EPB41L2: variants seen among roughly 807,000 people sequenced by gnomAD.
The protein encoded by EPB41L2 is erythrocyte membrane protein band 4.1 like 2.
EPB41L2 carries 43 observed loss-of-function variants against 113.0 expected under a neutral mutation model. The observed-to-expected ratio is 0.38, with a 90% CI of 0.30 to 0.49. The LOEUF (loss-of-function observed/expected upper bound fraction) is 0.49, where lower values mean the gene tolerates loss of function less well. Ranked by LOEUF, EPB41L2 falls within the 20% of genes least tolerant of loss-of-function variation. The pLI is 0.95. For synonymous variants in EPB41L2, 442 were observed against 436.7 expected, an observed-to-expected ratio of 1.01 and a Z score of -0.15; for missense variants, 1,147 against 1,223.4, an observed-to-expected ratio of 0.94 and a Z score of 0.93.
chr6:131,053,481 C>T (rs1379553538), intron 1 of EPB41L2, among the ~76,000 whole-genome samples: 3 of 148,938 alleles, frequency 2.0e-5, no homozygotes, highest in Non-Finnish European at 4.5e-5. Context: ...AAAGGAAAGG[C>T]CAGGGGAAGA....
chr6:131,030,498 A>G (rs998797670), intron 1 of EPB41L2, among the ~76,000 whole-genome samples: 1 of 152,228 alleles, frequency 6.6e-6, no homozygotes, highest in Non-Finnish European at 1.5e-5. Flanking sequence ...AGATCAAAGT[A>G]AAATATGCAG....
At chr6:130,872,787 G>T (rs1357738224) in intron 14 of EPB41L2, among the ~76,000 whole-genome samples, 2 of 152,164 alleles carry the variant, frequency 1.3e-5, no homozygotes, top group Admixed American at 1.3e-4. Flanking sequence ...CTGCTTGGCT[G>T]ATCACCAACT....
At chr6:130,934,759 G>A (rs992538627) in intron 3 of EPB41L2, among the ~76,000 whole-genome samples, 2 of 151,102 alleles carry the variant, frequency 1.3e-5, no homozygotes, top group East Asian at 3.9e-4. Flanking sequence ...GGCATTACAG[G>A]TGTGAGCCAC....
At chr6:130,936,725 T>C (rs750580970) in intron 3 of EPB41L2, among the ~76,000 whole-genome samples, 24 of 152,350 alleles carry the variant, frequency 1.6e-4, no homozygotes, top group Admixed American at 1.2e-3. Flanking sequence ...TTAGAGTTAA[T>C]ATTTATCAAG....
In EPB41L2 at chr6:130,926,636, C is replaced by G. The variant is rs778150249; in HGVS notation, c.779G>C (p.Gly260Ala). The G allele has an allele frequency of 1.2e-6, 2 of 1,609,310 alleles. No homozygotes were observed. The highest frequency in any genetic ancestry group is 2.2e-5 in the South Asian group (2 of 89,260). The change falls in exon 4 of 20, where the codon GGA becomes GCA. Residue 260 changes from glycine to alanine, a missense_variant. Transcript: ENST00000337057. ...CTCAGGGCTTTCCTGAAACAAAAGT[C>G]CAAAGTAGTCTTTCTCCAAGAGATT... ...HLNLLEKDYF[G>A]LLFQESPEQK...
At position 130,905,523 on chromosome 6, in the gene EPB41L2, A is replaced by T. The variant is rs79151412; in HGVS notation, c.854-983T>A. 0.02 allele frequency among the ~76,000 whole-genome samples: 2,988 copies of T among 151,184 alleles called. 190 individuals carry two copies. In the East Asian group the frequency reaches 0.26, roughly 13 times the overall value. On this transcript the variant is annotated intron_variant, in intron 5 of 19. Coordinates refer to ENST00000337057, the MANE Select transcript of EPB41L2 (RefSeq NM_001431.4). ...AACCTCAACGTCCCAGGCCTAAGTG[A>T]TCCTCCCATCCTAGCCTCCCAAGTA...
intron 19 of EPB41L2, among the ~76,000 whole-genome samples, chr6:130,852,030 T>C (rs1778891145): frequency 6.6e-6 from 1 of 152,212 alleles, no homozygotes; most frequent in South Asian, 2.1e-4. Context: ...AAATGTGCCA[T>C]TTCTGCATTT....
chr6:130,982,964 T>C (rs1185194917), intron 1 of EPB41L2, among the ~76,000 whole-genome samples: 2 of 152,342 alleles, frequency 1.3e-5, no homozygotes, highest in East Asian at 1.9e-4. Context: ...CTAACAACCA[T>C]GTGTAAATCC....
intron 1 of EPB41L2, among the ~76,000 whole-genome samples, chr6:131,003,691 G>A (rs1230231868): frequency 1.3e-5 from 2 of 151,924 alleles, no homozygotes; most frequent in Non-Finnish European, 2.9e-5. Flanking sequence ...CCATCATATT[G>A]TCATCTCCCT....
intron 1 of EPB41L2, among the ~76,000 whole-genome samples, chr6:130,992,541 C>G (rs1782126728): frequency 1.3e-5 from 2 of 152,254 alleles, no homozygotes; most frequent in East Asian, 3.9e-4. Context: ...GAACTCAATA[C>G]AGCCATCATT....
At chr6:130,858,317 C>T in intron 18 of EPB41L2, 74 bp from the exon 19 acceptor site, 2 of 1,188,524 alleles carry the variant, frequency 1.7e-6, no homozygotes, top group Non-Finnish European at 2.4e-6. Flanking sequence ...AACACACACA[C>T]ACTGATCACC....
intron 1 of EPB41L2, among the ~76,000 whole-genome samples, chr6:131,029,394 A>T (rs1254345426): frequency 0.026 from 3,854 of 146,000 alleles, 160 homozygotes; most frequent in African/African-American, 0.094. Context: ...ATTTGTTTAA[A>T]AAAAAAAAAA....
At chr6:130,876,165 C>T (rs1025697294) in intron 14 of EPB41L2, among the ~76,000 whole-genome samples, 5 of 152,118 alleles carry the variant, frequency 3.3e-5, no homozygotes, top group African/African-American at 1.2e-4. Context: ...AACTTCCTCA[C>T]CAGTGTCAGA....
chr6:130,984,305 G>A (rs1780027900), intron 1 of EPB41L2, among the ~76,000 whole-genome samples: 1 of 152,126 alleles, frequency 6.6e-6, no homozygotes, highest in South Asian at 2.1e-4. Context: ...CTAAAATAAT[G>A]ATAAAAAGTA....
At chr6:130,981,697 A>C (rs953149352) in intron 1 of EPB41L2, among the ~76,000 whole-genome samples, 4 of 152,206 alleles carry the variant, frequency 2.6e-5, no homozygotes, top group Admixed American at 2.0e-4. Flanking sequence ...TATAAAAGCC[A>C]GAAGCAGAGC....
intron 1 of EPB41L2, among the ~76,000 whole-genome samples, chr6:131,008,640 C>T (rs907248682): frequency 6.6e-6 from 1 of 152,208 alleles, no homozygotes; most frequent in African/African-American, 2.4e-5. Flanking sequence ...TGAAAGCAGC[C>T]GGGAGTGGGG....
chr6:130,880,371 A>G (rs952510181), intron 12 of EPB41L2, 165 bp from the exon 13 acceptor site: 35 of 616,900 alleles, frequency 5.7e-5, no homozygotes, highest in Non-Finnish European at 5.7e-6. Context: ...TCACAAATAA[A>G]CCCTGAGAGT....
At chr6:130,869,234 G>A (rs903384932) in intron 15 of EPB41L2, among the ~76,000 whole-genome samples, 1 of 152,008 alleles carries the variant, frequency 6.6e-6, no homozygotes, top group African/African-American at 2.4e-5. Context: ...TTTAGTGTGA[G>A]GAAGCAGTGC....
In EPB41L2 at chr6:130,869,884, C is replaced by G. The variant is rs369064114; in HGVS notation, c.2286G>C (p.Val762=). The G allele has an allele frequency of 9.9e-6, 16 of 1,612,846 alleles. No homozygotes were observed. The highest frequency in any genetic ancestry group is 1.4e-5 in the Non-Finnish European group (16 of 1,180,022). The part of the protein sequence containing the change: ...DVGEYRPHHR[V]TEGTIREEQE... ...GTTCCTCCCTGATGGTGCCCTCGGT[C>G]ACTCGGTGGTGGGGACGGTACTCTC... is the stretch of plus-strand genomic sequence containing the variant. The change falls in exon 15 of 20, where the codon GTG becomes GTC. Residue 762 remains valine, a synonymous_variant. Coordinates refer to ENST00000337057, the MANE Select transcript of EPB41L2 (RefSeq NM_001431.4).
Sources: gnomAD v4.1 joint callset for allele counts (sites outside exome capture counted in the v4.1 genomes callset) on GRCh38, gnomAD v4.1.1 for gene constraint, MANE v1.5 for transcripts, NCBI Gene and HGNC (gene_info 2026-07-23, HGNC 2026-07-21) for gene names.